Variants in LRPPRC observed in about 807,000 individuals in gnomAD.
LRPPRC encodes the protein leucine rich pentatricopeptide repeat containing.
In LRPPRC, 120 loss-of-function variants were observed where a neutral mutation model predicts 180.3. The ratio of observed to expected loss-of-function variants is 0.67; its 90% CI spans 0.57 to 0.77. The LOEUF (loss-of-function observed/expected upper bound fraction) is 0.77, where lower values mean the gene tolerates loss of function less well. Ranked by LOEUF, LRPPRC falls within the 30% of genes least tolerant of loss-of-function variation. LRPPRC has a pLI of 0.00. For missense variants in LRPPRC, 2,012 were observed against 1,657.2 expected (o/e 1.21, Z -3.72); for synonymous variants, 723 against 600.0 (o/e 1.21, Z -3.00).
intron 25 of LRPPRC, among the ~76,000 whole-genome samples, chr2:43,930,166 T>TC (rs1052408204): frequency 6.6e-6 from 1 of 151,868 alleles, no homozygotes; most frequent in African/African-American, 2.4e-5. Flanking sequence ...AGAGAGTTTT[T>TC]CCCCCACTGA....
Position 43,960,589 on chromosome 2 carries a change from A to G in LRPPRC, c.1534T>C (p.Leu512=). ...TTCCCATTTGCTGCTTCACTTCTCAATCCAGCTTGAGAAAACATATCACTA... is the reference window on the plus strand; with the variant it reads ...TTCCCATTTGCTGCTTCACTTCTCAGTCCAGCTTGAGAAAACATATCACTA... The part of the protein sequence containing the change: ...SDSDMFSQAG[L]RSEAANGNLD... The change falls in exon 13 of 38, where the codon TTG becomes CTG. Residue 512 remains leucine, a synonymous_variant. Coordinates refer to ENST00000260665, the MANE Select transcript of LRPPRC (RefSeq NM_133259.4). 1.2e-6 allele frequency: 2 copies of G among 1,607,332 alleles called. No individual in the cohort carries two copies. Among genetic ancestry groups the G allele is most frequent in the South Asian group, 2.2e-5 (2 of 90,996 alleles).
chr2:43,993,057 T>G (rs200130078), intron 1 of LRPPRC, among the ~76,000 whole-genome samples: 1 of 152,100 alleles, frequency 6.6e-6, no homozygotes, highest in South Asian at 2.1e-4. Flanking sequence ...AGACAAATCC[T>G]AAAGAGAAGA....
At chr2:43,894,733 CAG>C (rs1558893627) in intron 35 of LRPPRC, 104 bp from the exon 36 acceptor site, 2 of 712,258 alleles carry the variant, frequency 2.8e-6, no homozygotes, top group African/African-American at 3.5e-5. Flanking sequence ...ATAATTATAA[CAG>C]AACTACCTAT....
intron 6 of LRPPRC, 47 bp from the exon 7 acceptor site, chr2:43,975,264 A>G: frequency 6.5e-7 from 1 of 1,545,370 alleles, no homozygotes; most frequent in Non-Finnish European, 8.9e-7. Context: ...TGCCAAATTT[A>G]ATATAGTTAT....
In LRPPRC at chr2:43,934,741, G is replaced by GA; in HGVS notation, c.2629+12dup. On this transcript the variant is annotated intron_variant, in intron 24 of 37. Transcript: ENST00000260665. The stretch of plus-strand genomic sequence containing the variant: ...AAAAAAAAACTACATTAAGATACTA[G>GA]AAAGTGACTCACCTTTCTGAATTAG... The GA allele has an allele frequency of 6.2e-7, 1 of 1,611,368 alleles. No homozygotes were observed. Among genetic ancestry groups the GA allele is most frequent in the Non-Finnish European group, 8.5e-7 (1 of 1,177,776 alleles).
Position 43,950,989 on chromosome 2 carries a change from GA to G in LRPPRC, c.1650-390del, listed in dbSNP as rs1672880755. On this transcript the variant is annotated intron_variant, in intron 14 of 37. Coordinates refer to ENST00000260665, the MANE Select transcript of LRPPRC (RefSeq NM_133259.4). ...GGAGGCTGAGGCAGGAGAATTGCCT[GA>G]ACCCGGGAAGCGGAGGTTGCAGTGA... Among the ~76,000 whole-genome samples, 5 of 152,204 alleles carry G rather than the reference GA, an allele frequency of 3.3e-5. No individual in the cohort carries two copies. In the South Asian group the frequency reaches 1.0e-3, roughly 32 times the overall value.
chr2:43,961,949 C>G (rs1423336483), intron 12 of LRPPRC, among the ~76,000 whole-genome samples: 1 of 152,096 alleles, frequency 6.6e-6, no homozygotes, highest in Non-Finnish European at 1.5e-5. Flanking sequence ...GGCGACAGAG[C>G]AAGACTCTGC....
rs187127939 is a variant in LRPPRC, at chr2:43,920,282, C to T, written c.2897-1884G>A. Among the ~76,000 whole-genome samples the T allele has an allele frequency of 2.6e-5, 4 of 152,052 alleles. No individual in the cohort carries two copies. The South Asian group carries it at 6.2e-4, about 24-fold the overall frequency. On this transcript the variant is annotated intron_variant, in intron 27 of 37. Transcript: ENST00000260665. ...TCCCGAGTAGCTGAGATTACAGGTG[C>T]GCGCCAGCACACCCCACTAATTTTT... is the stretch of plus-strand genomic sequence containing the variant.
At chr2:43,902,274 A>T (rs1188653169) in intron 31 of LRPPRC, 1 of 152,228 alleles carries the variant, frequency 6.6e-6, no homozygotes. Context: ...GATTATAAAT[A>T]ACTATGGAAT....
intron 31 of LRPPRC, chr2:43,902,089 T>C (rs1670910490): frequency 6.4e-6 from 1 of 156,358 alleles, no homozygotes; most frequent in East Asian, 1.9e-4. Flanking sequence ...TAAAAAATAA[T>C]GCCTACTGAT....
At chr2:43,892,679 T>C (rs1339268105) in intron 36 of LRPPRC, 1 of 152,188 alleles carries the variant, frequency 6.6e-6, no homozygotes, top group Non-Finnish European at 1.5e-5. Context: ...TTTCAAGTCT[T>C]AACACATTTT....
intron 22 of LRPPRC, among the ~76,000 whole-genome samples, chr2:43,944,951 TGTTTATAGGTTTTAC>T (rs959813297): frequency 1.1e-4 from 16 of 152,242 alleles, no homozygotes; most frequent in Admixed American, 3.3e-4. Context: ...TATTAGGTTA[TGTTTATAGGTTTTAC>T]GTTTATAGGT....
chr2:43,947,678 C>G (rs1672738983), intron 19 of LRPPRC, 53 bp downstream of exon 19: 1 of 1,004,896 alleles, frequency 1.0e-6, no homozygotes, highest in Non-Finnish European at 1.6e-6. Context: ...ATCCAGAATA[C>G]TCATTAAATA....
At chr2:43,988,137 G>A (rs897869535) in intron 1 of LRPPRC, among the ~76,000 whole-genome samples, 14 of 151,324 alleles carry the variant, frequency 9.3e-5, no homozygotes, top group Non-Finnish European at 2.1e-4. Context: ...CAACTCAGAA[G>A]GCTGAGGCAG....
At chr2:43,915,906 T>C (rs1447236140) in intron 29 of LRPPRC, among the ~76,000 whole-genome samples, 2 of 152,092 alleles carry the variant, frequency 1.3e-5, no homozygotes, top group African/African-American at 4.8e-5. Flanking sequence ...GCTGGGACTA[T>C]AGTCCTGTGC....
At chr2:43,938,347 T>C (rs1356756153) in intron 23 of LRPPRC, among the ~76,000 whole-genome samples, 2 of 152,198 alleles carry the variant, frequency 1.3e-5, no homozygotes, top group African/African-American at 4.8e-5. Context: ...TCTGTAAGTC[T>C]ATGAAATAAA....
At chr2:43,947,179 AATATT>A (rs1672715421) in intron 20 of LRPPRC, 73 bp downstream of exon 20, 2 of 677,292 alleles carry the variant, frequency 3.0e-6, no homozygotes, top group African/African-American at 1.8e-5. Flanking sequence ...AAAAATCATA[AATATT>A]ATATTTGGTT....
chr2:43,950,012 T>C (rs1234701696), intron 15 of LRPPRC, among the ~76,000 whole-genome samples: 1 of 152,246 alleles, frequency 6.6e-6, no homozygotes, highest in Non-Finnish European at 1.5e-5. Flanking sequence ...TATTCCTCAT[T>C]ATATTGCTTT....
At chr2:43,893,829 C>G (rs982157120) in intron 36 of LRPPRC, among the ~76,000 whole-genome samples, 3 of 152,124 alleles carry the variant, frequency 2.0e-5, no homozygotes, top group Non-Finnish European at 4.4e-5. Context: ...AACTGACTTA[C>G]TAATTCTGAT....
Sources: gnomAD v4.1 joint callset for allele counts (sites outside exome capture counted in the v4.1 genomes callset) on GRCh38, gnomAD v4.1.1 for gene constraint, MANE v1.5 for transcripts, NCBI Gene and HGNC (gene_info 2026-07-23, HGNC 2026-07-21) for gene names.